COX6C: variants seen among roughly 807,000 people sequenced by gnomAD.
COX6C encodes cytochrome c oxidase subunit 6C, also known as cytochrome c oxidase polypeptide VIc.
In COX6C, 3 loss-of-function variants were observed where a neutral mutation model predicts 6.9. That is an observed-to-expected ratio of 0.43 (90% CI 0.20 to 1.12). The LOEUF is 1.12. COX6C is among the 50% of genes most tolerant of loss of function. COX6C has a pLI of 0.27. For missense variants in COX6C, 101 were observed against 97.3 expected, an observed-to-expected ratio of 1.04 and a Z score of -0.16; for synonymous variants, 32 against 32.0, an observed-to-expected ratio of 1.00 and a Z score of 0.00.
intron 2 of COX6C, among the ~76,000 whole-genome samples, chr8:99,888,993 T>C (rs1290973454): frequency 6.6e-6 from 1 of 152,214 alleles, no homozygotes; most frequent in Non-Finnish European, 1.5e-5. Flanking sequence ...AGAGTCTGTT[T>C]TCTTTTTTCC....
chr8:99,883,626 C>T (rs771396822), intron 3 of COX6C, among the ~76,000 whole-genome samples: 5 of 151,920 alleles, frequency 3.3e-5, no homozygotes, highest in Non-Finnish European at 7.4e-5. Context: ...CACCAATCCT[C>T]CTCAAGTTTT....
intron 2 of COX6C, among the ~76,000 whole-genome samples, chr8:99,891,327 A>T (rs1380875897): frequency 1.3e-5 from 2 of 152,152 alleles, no homozygotes; most frequent in African/African-American, 4.8e-5. Flanking sequence ...AAGGCAGGTG[A>T]ATCCCTTGAG....
At chr8:99,882,688 G>A (rs941179610) in intron 3 of COX6C, among the ~76,000 whole-genome samples, 1 of 152,002 alleles carries the variant, frequency 6.6e-6, no homozygotes, top group African/African-American at 2.4e-5. Context: ...ACTAACAGAG[G>A]GAACATTACA....
At chr8:99,878,502 C>T (rs757883813) in intron 3 of COX6C, 1 of 152,182 alleles carries the variant, frequency 6.6e-6, no homozygotes, top group Non-Finnish European at 1.5e-5. Context: ...GCATACCACA[C>T]CTTACTCTCA....
chr8:99,879,176 G>T (rs1238379788), intron 3 of COX6C, among the ~76,000 whole-genome samples: 1 of 152,152 alleles, frequency 6.6e-6, no homozygotes, highest in African/African-American at 2.4e-5. Flanking sequence ...CTTCATACAT[G>T]CTATCAAATC....
chr8:99,890,818 C>T (rs1382675167), intron 2 of COX6C, among the ~76,000 whole-genome samples: 1 of 152,224 alleles, frequency 6.6e-6, no homozygotes, highest in African/African-American at 2.4e-5. Flanking sequence ...CCACATTAGG[C>T]AGAGTGTTAA....
Position 99,884,258 on chromosome 8 carries a change from T to G in COX6C, c.*15+3232A>C, listed in dbSNP as rs529795434. Among the ~76,000 whole-genome samples, 3 of 152,324 alleles carry G rather than the reference T, an allele frequency of 2.0e-5. No individual in the cohort carries two copies. In the East Asian group the frequency reaches 5.8e-4, roughly 29 times the overall value. On this transcript the variant is annotated intron_variant, in intron 3 of 3. Coordinates refer to ENST00000520468, the MANE Select transcript of COX6C (RefSeq NM_004374.4). ...ACCCTAAAGATTTCTAACACACAAG[T>G]GTCAGAATACATGAATTCTACTAAG...
intron 3 of COX6C, among the ~76,000 whole-genome samples, chr8:99,886,584 C>G (rs997065581): frequency 6.6e-6 from 1 of 152,068 alleles, no homozygotes; most frequent in Non-Finnish European, 1.5e-5. Context: ...GCATCACTCA[C>G]AACAATCAAA....
At chr8:99,891,055 G>C (rs956989241) in intron 2 of COX6C, among the ~76,000 whole-genome samples, 1 of 152,176 alleles carries the variant, frequency 6.6e-6, no homozygotes. Context: ...ATGGATAGAG[G>C]GGCAGCTATG....
At chr8:99,882,227 A>G (rs1260313105) in intron 3 of COX6C, among the ~76,000 whole-genome samples, 1 of 152,218 alleles carries the variant, frequency 6.6e-6, no homozygotes, top group East Asian at 1.9e-4. Flanking sequence ...GAACAACACT[A>G]CAAATCAACT....
chr8:99,888,399 C>T (rs1280555642), intron 2 of COX6C, among the ~76,000 whole-genome samples: 1 of 151,984 alleles, frequency 6.6e-6, no homozygotes, highest in Non-Finnish European at 1.5e-5. Flanking sequence ...GATGAAACCC[C>T]ATCTCTACTA....
intron 3 of COX6C, among the ~76,000 whole-genome samples, chr8:99,881,943 T>C (rs1480072697): frequency 6.6e-6 from 1 of 152,130 alleles, no homozygotes; most frequent in Non-Finnish European, 1.5e-5. Context: ...CAGGGGTAGC[T>C]ACACTAAATC....
intron 3 of COX6C, chr8:99,886,387 TAAAA>T (rs968378982): frequency 1.3e-5 from 2 of 150,076 alleles, no homozygotes; most frequent in African/African-American, 4.9e-5. Context: ...GAGACCCTGT[TAAAA>T]AAAAAATTAA....
At chr8:99,886,725 A>G (rs1388715815) in intron 3 of COX6C, among the ~76,000 whole-genome samples, 1 of 152,238 alleles carries the variant, frequency 6.6e-6, no homozygotes, top group Non-Finnish European at 1.5e-5. Flanking sequence ...CCTTGAGTAC[A>G]CTACGCTAAG....
intron 2 of COX6C, among the ~76,000 whole-genome samples, chr8:99,888,463 T>C (rs1185318063): frequency 1.3e-5 from 2 of 151,720 alleles, no homozygotes; most frequent in Non-Finnish European, 2.9e-5. Flanking sequence ...CCCAGCTACT[T>C]GGGAGGCTGA....
intron 2 of COX6C, among the ~76,000 whole-genome samples, chr8:99,888,560 C>G (rs1817981525): frequency 6.6e-6 from 1 of 152,122 alleles, no homozygotes; most frequent in African/African-American, 2.4e-5. Context: ...GGTGACAGAG[C>G]AAGACTCCGT....
At chr8:99,893,387 T>A (rs918755040) in intron 1 of COX6C, 5 of 152,202 alleles carry the variant, frequency 3.3e-5, no homozygotes, top group Non-Finnish European at 5.9e-5. Flanking sequence ...CGAAGCCAGC[T>A]GGGTTCTCGA....
chr8:99,891,107 T>C (rs1042134487), intron 2 of COX6C, among the ~76,000 whole-genome samples: 1 of 152,234 alleles, frequency 6.6e-6, no homozygotes, highest in Admixed American at 6.5e-5. Context: ...CTGTAATGGG[T>C]TGAATTGTGT....
At chr8:99,888,809 G>A (rs944458407) in intron 2 of COX6C, among the ~76,000 whole-genome samples, 1 of 152,160 alleles carries the variant, frequency 6.6e-6, no homozygotes, top group African/African-American at 2.4e-5. Flanking sequence ...ACCCTTTCAG[G>A]ACTGATTCTT....
Sources: allele counts gnomAD v4.1 joint callset (sites outside exome capture counted in the v4.1 genomes callset), GRCh38; gene constraint gnomAD v4.1.1; transcripts MANE v1.5; gene names NCBI Gene and HGNC (gene_info 2026-07-23, HGNC 2026-07-21).